The following NEO1 variants were observed in gnomAD, a reference collection of about 807,000 sequenced individuals.
The protein encoded by NEO1 is neogenin.
A neutral mutation model predicts 159.7 loss-of-function variants in NEO1; 63 were observed. The ratio of observed to expected loss-of-function variants is 0.39; its 90% CI spans 0.32 to 0.49. The LOEUF (loss-of-function observed/expected upper bound fraction) is 0.49. Among genes scored for constraint, NEO1 ranks in the 20% least tolerant of loss-of-function variants. The pLI, the probability that NEO1 is intolerant of heterozygous loss-of-function variation, is 0.85. For synonymous variants in NEO1, 633 were observed against 662.0 expected (o/e 0.96, Z 0.67); for missense variants, 1,615 against 1,831.0 (o/e 0.88, Z 2.15).
chr15:73,177,688 C>T (rs1410634926), intron 6 of NEO1, among the ~76,000 whole-genome samples: 15 of 152,064 alleles, frequency 9.9e-5, no homozygotes, highest in Admixed American at 3.3e-4. Flanking sequence ...ACTACAGGCA[C>T]GCACTACCAT....
At position 73,276,974 on chromosome 15, in the gene NEO1, TGTCA is replaced by T. The variant is rs549870160; in HGVS notation, c.3194-1150_3194-1147del. On this transcript the variant is annotated intron_variant, in intron 21 of 28. Coordinates refer to ENST00000261908, the MANE Select transcript of NEO1 (RefSeq NM_002499.4). ...TAACATTTATGGAACATCTACTATG[TGTCA>T]GTCAGTATTAAAAATATTTTATGGT... Among the ~76,000 whole-genome samples the T allele has an allele frequency of 2.0e-4, 31 of 152,352 alleles. No individual in the cohort carries two copies. In the South Asian group the frequency reaches 5.2e-3, roughly 25 times the overall value.
rs2071752994 is a variant in NEO1 at position 73,122,910 on chromosome 15, C to G, written c.724+110C>G. On this transcript the variant is annotated intron_variant, in intron 3 of 28. Transcript: ENST00000261908. ...GTTGGCCGGGCGCAGTGGCTCACAC[C>G]TGTAATCCCAGCACTTTGGGAGGTT... 6 of 1,328,666 alleles carry G rather than the reference C, an allele frequency of 4.5e-6. No homozygotes were observed. The South Asian group carries it at 8.2e-5, about 18-fold the overall frequency. The allele number at this position is 1,328,666 out of a possible 1,614,324, so 82.3% of individuals were successfully genotyped here. A position where few individuals can be genotyped will look rare whatever the true frequency, so the allele number is the denominator to read the frequency against.
intron 23 of NEO1, among the ~76,000 whole-genome samples, 187 bp from the exon 24 acceptor site, chr15:73,288,126 C>T (rs1480414425): frequency 1.3e-5 from 2 of 152,152 alleles, no homozygotes; most frequent in Non-Finnish European, 2.9e-5. Flanking sequence ...AATAGAGATA[C>T]ATTTACTCTC....
chr15:73,134,169 G>C (rs922001663), intron 4 of NEO1, among the ~76,000 whole-genome samples: 26 of 152,150 alleles, frequency 1.7e-4, no homozygotes, highest in African/African-American at 6.3e-4. Flanking sequence ...CCAAAGACCC[G>C]TCTTATCTCT....
chr15:73,218,344 AT>A (rs1163675825), intron 7 of NEO1, among the ~76,000 whole-genome samples: 2 of 149,514 alleles, frequency 1.3e-5, no homozygotes, highest in Non-Finnish European at 3.0e-5. Context: ...TTTATTGAGG[AT>A]TTTTGCATCA....
chr15:73,228,432 G>T (rs1596405828), intron 7 of NEO1, among the ~76,000 whole-genome samples: 1 of 145,514 alleles, frequency 6.9e-6, no homozygotes, highest in African/African-American at 2.5e-5. Flanking sequence ...TTCTTAATGA[G>T]TTGTAAGAGT....
In NEO1 at chr15:73,183,764, AAG is replaced by A. The variant is rs1163715788; in HGVS notation, c.1291+5345_1291+5346del. Reference sequence around the variant, plus strand: ...GAAAACTCAGAGGAAAGGAAAAAAAAAGAGAGAGAAACTCTCTGGCTCCTAAG... The same window carrying A: ...GAAAACTCAGAGGAAAGGAAAAAAAAAGAGAGAAACTCTCTGGCTCCTAAG... On this transcript the variant is annotated intron_variant, in intron 7 of 28. Transcript: ENST00000261908. Among the ~76,000 whole-genome samples, 7 of 152,216 alleles carry A rather than the reference AAG, an allele frequency of 4.6e-5. No homozygotes were observed. The South Asian group carries it at 6.2e-4, about 14-fold the overall frequency.
At chr15:73,201,221 G>C (rs552012620) in intron 7 of NEO1, among the ~76,000 whole-genome samples, 2 of 149,960 alleles carry the variant, frequency 1.3e-5, no homozygotes, top group Admixed American at 6.6e-5. Flanking sequence ...CTTGCTTTAG[G>C]CTTAATTTTC....
intron 7 of NEO1, among the ~76,000 whole-genome samples, chr15:73,185,786 G>A (rs1378044184): frequency 3.3e-5 from 5 of 152,102 alleles, no homozygotes; most frequent in African/African-American, 1.2e-4. Context: ...ACAATGGAAC[G>A]TCATTCATTG....
chr15:73,057,301 C>A (rs988955720), intron 1 of NEO1, among the ~76,000 whole-genome samples: 2 of 151,874 alleles, frequency 1.3e-5, no homozygotes, highest in Admixed American at 6.6e-5. Context: ...ATGAGTTTTT[C>A]TCTACCTCAA....
Position 73,288,432 on chromosome 15 carries a change from A to G in NEO1, c.3530A>G (p.Lys1177Arg). The part of the protein sequence containing the change: ...HERLELKPID[K>R]SPDPNPIMTD... ...AGACTGGAGCTGAAACCCATTGATA[A>G]GTCTCCAGACCCAAACCCCATCATG... The change falls in exon 24 of 29, where the codon AAG becomes AGG. Residue 1177 changes from lysine to arginine, a missense_variant. Around this residue, in one of 3 missense-constraint regions of NEO1, gnomAD observed 471 missense variants for 498.9 expected, o/e 0.94. Coordinates refer to ENST00000261908, the MANE Select transcript of NEO1 (RefSeq NM_002499.4). 6.2e-7 allele frequency: 1 copy of G among 1,614,122 alleles called. No individual in the cohort carries two copies. The highest frequency in any genetic ancestry group is 8.5e-7 in the Non-Finnish European group (1 of 1,180,014).
chr15:73,203,198 G>A (rs2037003742), intron 7 of NEO1, among the ~76,000 whole-genome samples: 2 of 152,246 alleles, frequency 1.3e-5, no homozygotes, highest in Admixed American at 1.3e-4. Context: ...TTTCACAGTG[G>A]CTGTACCATT....
intron 2 of NEO1, among the ~76,000 whole-genome samples, chr15:73,117,994 GT>G (rs944813753): frequency 4.9e-4 from 74 of 150,868 alleles, no homozygotes; most frequent in African/African-American, 1.8e-3. Flanking sequence ...TCTCCAACAT[GT>G]TTCATAAATA....
chr15:73,145,864 C>G (rs1289339866), intron 5 of NEO1, among the ~76,000 whole-genome samples: 1 of 152,074 alleles, frequency 6.6e-6, no homozygotes, highest in Non-Finnish European at 1.5e-5. Context: ...GATCATTTTT[C>G]TTCTAAGCTC....
At chr15:73,123,092 G>C (rs2071765595) in intron 3 of NEO1, among the ~76,000 whole-genome samples, 1 of 151,934 alleles carries the variant, frequency 6.6e-6, no homozygotes, top group Non-Finnish European at 1.5e-5. Context: ...GGGAGGTGGA[G>C]GGTGCAGTGA....
intron 5 of NEO1, among the ~76,000 whole-genome samples, chr15:73,146,217 C>CG (rs2032887607): frequency 1.3e-5 from 2 of 152,192 alleles, no homozygotes; most frequent in Non-Finnish European, 2.9e-5. Context: ...TTCTACCCTA[C>CG]TAGACTGAGT....
intron 27 of NEO1, among the ~76,000 whole-genome samples, chr15:73,300,688 T>G (rs1281058826): frequency 2.0e-5 from 3 of 151,990 alleles, no homozygotes; most frequent in Non-Finnish European, 4.4e-5. Context: ...CAGAGGTTGC[T>G]CCACTGCACT....
At chr15:73,158,011 T>G (rs1247023690) in intron 5 of NEO1, among the ~76,000 whole-genome samples, 1 of 151,812 alleles carries the variant, frequency 6.6e-6, no homozygotes, top group African/African-American at 2.4e-5. Context: ...AGGTCAGGAG[T>G]TTGAGACCAG....
chr15:73,055,238 A>G (rs1232234865), intron 1 of NEO1, among the ~76,000 whole-genome samples: 7 of 152,198 alleles, frequency 4.6e-5, no homozygotes, highest in Non-Finnish European at 1.0e-4. Context: ...TGTCTTCTCT[A>G]TTTAGAGTGA....
Sources: gnomAD v4.1 joint callset for allele counts (sites outside exome capture counted in the v4.1 genomes callset) on GRCh38, gnomAD v4.1.1 for gene constraint, gnomAD v4.1.1 regional missense constraint, MANE v1.5 for transcripts, NCBI Gene and HGNC (gene_info 2026-07-23, HGNC 2026-07-21) for gene names.